The following PXDNL variants were observed in gnomAD, a reference collection of about 807,000 sequenced individuals.
PXDNL encodes the protein probable oxidoreductase PXDNL.
In PXDNL, 145 loss-of-function variants were observed where a neutral mutation model predicts 150.8. The observed-to-expected ratio is 0.96, with a 90% CI of 0.84 to 1.10. PXDNL has a LOEUF of 1.10. Among genes scored for constraint, PXDNL ranks in the 50% least tolerant of loss-of-function variants. The pLI, the probability that PXDNL is intolerant of heterozygous loss-of-function variation, is 0.00. For missense variants in PXDNL, 2,087 were observed against 1,873.9 expected, an observed-to-expected ratio of 1.11 and a Z score of -2.10; for synonymous variants, 757 against 725.7, an observed-to-expected ratio of 1.04 and a Z score of -0.69.
At chr8:51,491,483 G>A (rs533709059) in intron 5 of PXDNL, among the ~76,000 whole-genome samples, 1 of 152,266 alleles carries the variant, frequency 6.6e-6, no homozygotes, top group South Asian at 2.1e-4. Flanking sequence ...AATATATTTA[G>A]ACAATAGGAA....
At chr8:51,669,836 TA>T (rs928182647) in intron 1 of PXDNL, among the ~76,000 whole-genome samples, 1 of 152,202 alleles carries the variant, frequency 6.6e-6, no homozygotes, top group East Asian at 1.9e-4. Context: ...CACACACATT[TA>T]AAAAAATAAC....
chr8:51,758,098 A>C (rs898132873), intron 1 of PXDNL, among the ~76,000 whole-genome samples: 1 of 152,206 alleles, frequency 6.6e-6, no homozygotes, highest in African/African-American at 2.4e-5. Flanking sequence ...AAATGTATTG[A>C]AATTCAACTA....
At chr8:51,543,684 C>A (rs143138586) in intron 4 of PXDNL, among the ~76,000 whole-genome samples, 2,048 of 145,132 alleles carry the variant, frequency 0.014, 55 homozygotes, top group African/African-American at 0.048. Flanking sequence ...TGCACTCCAG[C>A]CTGGTGACAG....
intron 19 of PXDNL, among the ~76,000 whole-genome samples, chr8:51,360,755 C>A (rs546193043): frequency 5.1e-4 from 78 of 152,330 alleles, no homozygotes; most frequent in African/African-American, 1.6e-3. Flanking sequence ...TCAAAGGCAG[C>A]CAACTCTTTC....
intron 19 of PXDNL, among the ~76,000 whole-genome samples, chr8:51,347,128 C>A (rs1806185060): frequency 1.3e-5 from 2 of 152,078 alleles, no homozygotes; most frequent in East Asian, 3.8e-4. Context: ...TCTTACCATG[C>A]AATCGAATTT....
chr8:51,670,347 C>T (rs1410657784), intron 1 of PXDNL, among the ~76,000 whole-genome samples: 3 of 152,146 alleles, frequency 2.0e-5, no homozygotes, highest in Admixed American at 6.5e-5. Context: ...ATATGTTGTT[C>T]GATGATTTTG....
chr8:51,715,290 A>G (rs1206756249), intron 1 of PXDNL, among the ~76,000 whole-genome samples: 1 of 152,210 alleles, frequency 6.6e-6, no homozygotes, highest in Admixed American at 6.5e-5. Context: ...ATGCAAATCA[A>G]AACCACGATA....
chr8:51,479,673 G>A (rs1461869972), intron 6 of PXDNL, among the ~76,000 whole-genome samples: 1 of 152,148 alleles, frequency 6.6e-6, no homozygotes, highest in Non-Finnish European at 1.5e-5. Context: ...CATGCACACG[G>A]ACGTAGGGAG....
intron 12 of PXDNL, among the ~76,000 whole-genome samples, chr8:51,434,898 G>A (rs1364871757): frequency 2.0e-5 from 3 of 152,188 alleles, no homozygotes; most frequent in African/African-American, 7.2e-5. Context: ...GTAGAAAGGA[G>A]CTCTTAAGGA....
chr8:51,611,613 G>C (rs1443173168), intron 2 of PXDNL, among the ~76,000 whole-genome samples: 1 of 152,218 alleles, frequency 6.6e-6, no homozygotes, highest in Non-Finnish European at 1.5e-5. Context: ...AAGGACTATG[G>C]GATAGGTCAT....
chr8:51,411,376 G>C lies in PXDNL; in HGVS notation c.1936C>G (p.Gln646Glu), dbSNP rs749399186. The C allele has an allele frequency of 6.4e-7, 1 of 1,573,840 alleles. No individual in the cohort carries two copies. Among genetic ancestry groups the C allele is most frequent in the Admixed American group, 2.0e-5 (1 of 49,446 alleles). Reference sequence around the variant, plus strand: ...AGTGGGTCACGCGGGTAATGAAATTGAGCCAGCAGGTCACTGGAGGTGTGA... The same window carrying C: ...AGTGGGTCACGCGGGTAATGAAATTCAGCCAGCAGGTCACTGGAGGTGTGA... ...KPHTSSDLLA[Q>E]FHYPRDPLIV... Residue 646 changes from glutamine (Q) to glutamate (E), a missense_variant, in exon 16 of 23, where the codon CAA becomes GAA. Transcript: ENST00000356297.
chr8:51,568,751 T>C (rs1050377141), intron 3 of PXDNL, among the ~76,000 whole-genome samples: 1 of 151,884 alleles, frequency 6.6e-6, no homozygotes, highest in Non-Finnish European at 1.5e-5. Flanking sequence ...ACACCTTTTG[T>C]TATTATCCTG....
intron 3 of PXDNL, among the ~76,000 whole-genome samples, chr8:51,561,047 T>A (rs1333378220): frequency 6.6e-6 from 1 of 151,526 alleles, no homozygotes; most frequent in Non-Finnish European, 1.5e-5. Flanking sequence ...GAAATGCAAA[T>A]CAAAACCACA....
intron 1 of PXDNL, among the ~76,000 whole-genome samples, chr8:51,743,943 A>AAGGAAGGAAGGAAGGAAG (rs1563306945): frequency 3.3e-3 from 26 of 7,948 alleles, no homozygotes; most frequent in South Asian, 6.3e-3. Flanking sequence ...AAGGAAGGAG[A>AAGGAAGGAAGGAAGGAAG]GAAAGAGAGA....
At chr8:51,477,235 C>T (rs761482401) in intron 6 of PXDNL, among the ~76,000 whole-genome samples, 6 of 152,164 alleles carry the variant, frequency 3.9e-5, no homozygotes, top group Non-Finnish European at 8.8e-5. Context: ...TATTATATTA[C>T]CCTGAAAATG....
chr8:51,473,091 T>C (rs1192392997), intron 7 of PXDNL, among the ~76,000 whole-genome samples: 2 of 152,190 alleles, frequency 1.3e-5, no homozygotes, highest in Admixed American at 6.6e-5. Context: ...AAACTCCATA[T>C]AATTAATATC....
intron 21 of PXDNL, among the ~76,000 whole-genome samples, chr8:51,333,651 A>G (rs988595498): frequency 2.6e-5 from 4 of 152,182 alleles, no homozygotes; most frequent in Non-Finnish European, 5.9e-5. Context: ...AAGGGGTGGA[A>G]AAAAGCATTT....
At chr8:51,594,748 T>C (rs1813525251) in intron 2 of PXDNL, among the ~76,000 whole-genome samples, 1 of 152,186 alleles carries the variant, frequency 6.6e-6, no homozygotes, top group African/African-American at 2.4e-5. Context: ...TCCATCAAAA[T>C]ATCTTTATTA....
intron 1 of PXDNL, among the ~76,000 whole-genome samples, chr8:51,734,217 A>T (rs1816990023): frequency 6.6e-6 from 1 of 152,202 alleles, no homozygotes; most frequent in Non-Finnish European, 1.5e-5. Flanking sequence ...TTTATTTTCA[A>T]AAAAGAGTTT....
Sources: allele counts gnomAD v4.1 joint callset (sites outside exome capture counted in the v4.1 genomes callset), GRCh38; gene constraint gnomAD v4.1.1; transcripts MANE v1.5; gene names NCBI Gene and HGNC (gene_info 2026-07-23, HGNC 2026-07-21).